SOX5: variants seen among roughly 807,000 people sequenced by gnomAD.
SOX5 encodes the protein SRY-box transcription factor 5, also known as transcription factor SOX-5.
Under a neutral mutation model 92.0 loss-of-function variants are expected in SOX5, and 9 were observed. The ratio of observed to expected loss-of-function variants is 0.10; its 90% CI spans 0.06 to 0.17. The LOEUF (loss-of-function observed/expected upper bound fraction) is 0.17. Ranked by LOEUF, SOX5 falls within the 10% of genes least tolerant of loss-of-function variation. The pLI is 1.00. For synonymous variants in SOX5, 344 were observed against 336.3 expected (o/e 1.02, Z -0.25); for missense variants, 642 against 944.5 (o/e 0.68, Z 4.20).
intron 3 of SOX5, among the ~76,000 whole-genome samples, chr12:23,770,760 A>G (rs935270731): frequency 6.6e-6 from 1 of 152,196 alleles, no homozygotes; most frequent in African/African-American, 2.4e-5. Flanking sequence ...GCACTGTAAG[A>G]AGACTGGGCA....
At chr12:24,333,317 T>A (rs979864614) in intron 2 of SOX5, among the ~76,000 whole-genome samples, 10 of 152,002 alleles carry the variant, frequency 6.6e-5, no homozygotes, top group African/African-American at 2.4e-4. Context: ...ATAAAAATGT[T>A]TGGAAGCTCA....
At chr12:23,934,669 T>C (rs1408257108) in intron 1 of SOX5, among the ~76,000 whole-genome samples, 2 of 151,342 alleles carry the variant, frequency 1.3e-5, no homozygotes, top group Non-Finnish European at 1.5e-5. Flanking sequence ...TTACCTACCA[T>C]ATTATATGGA....
chr12:23,715,167 C>A (rs761543559), intron 6 of SOX5, among the ~76,000 whole-genome samples: 5 of 151,888 alleles, frequency 3.3e-5, no homozygotes, highest in Non-Finnish European at 7.4e-5. Flanking sequence ...GGTGCGATGG[C>A]GGGCGCCTGT....
At chr12:24,339,246 T>C (rs898561883) in intron 2 of SOX5, among the ~76,000 whole-genome samples, 5 of 150,014 alleles carry the variant, frequency 3.3e-5, no homozygotes, top group Non-Finnish European at 7.4e-5. Context: ...AGTAGACATA[T>C]GGAGTATGTG....
intron 2 of SOX5, among the ~76,000 whole-genome samples, chr12:23,893,185 C>T (rs561291084): frequency 5.9e-5 from 9 of 152,282 alleles, no homozygotes; most frequent in Non-Finnish European, 8.8e-5. Flanking sequence ...TGGTGGCTCA[C>T]GCCTGTAATC....
chr12:24,478,574 C>G (rs1273158501), intron 1 of SOX5, among the ~76,000 whole-genome samples: 6 of 152,188 alleles, frequency 3.9e-5, no homozygotes, highest in Non-Finnish European at 1.5e-5. Flanking sequence ...ATTACTGTTC[C>G]TGTTTCACCT....
In SOX5 at chr12:24,213,674, C is replaced by G. The variant is rs142984735; in HGVS notation, c.-76-257G>C. Among the ~76,000 whole-genome samples, 1,475 of 150,968 alleles carry G rather than the reference C, an allele frequency of 9.8e-3. 11 individuals are homozygous for G. The highest frequency in any genetic ancestry group is 0.015 in the Non-Finnish European group (1,006 of 67,808). ...CTCATACGACTGTGCTAGTTAGTGGCTAATGAATGAAAAATCAATGAAAAA... is the reference window on the plus strand; with the variant it reads ...CTCATACGACTGTGCTAGTTAGTGGGTAATGAATGAAAAATCAATGAAAAA... On this transcript the variant is annotated intron_variant, in intron 3 of 4. Coordinates refer to the SOX5 transcript ENST00000446891.
intron 1 of SOX5, among the ~76,000 whole-genome samples, chr12:23,918,320 C>A (rs1162685215): frequency 6.6e-6 from 1 of 152,038 alleles, no homozygotes; most frequent in Admixed American, 6.6e-5. Flanking sequence ...AGTTCTAATT[C>A]GGGGTAACAA....
chr12:24,156,685 A>C (rs1952206782), intron 4 of SOX5, among the ~76,000 whole-genome samples: 1 of 152,176 alleles, frequency 6.6e-6, no homozygotes, highest in African/African-American at 2.4e-5. Context: ...ATAAATATAC[A>C]TCTTATTTTC....
chr12:24,039,117 C>T (rs1367374236), intron 4 of SOX5, among the ~76,000 whole-genome samples: 1 of 152,044 alleles, frequency 6.6e-6, no homozygotes, highest in Admixed American at 6.6e-5. Flanking sequence ...AATAGCATTT[C>T]TAATGGTAAA....
chr12:24,032,121 G>T (rs35939918), intron 4 of SOX5, among the ~76,000 whole-genome samples: 1 of 151,792 alleles, frequency 6.6e-6, no homozygotes, highest in Non-Finnish European at 1.5e-5. Flanking sequence ...ACTGGATTTG[G>T]TAACTGGTAA....
intron 3 of SOX5, chr12:24,227,765 G>A (rs1962404434): frequency 6.6e-6 from 1 of 152,174 alleles, no homozygotes; most frequent in South Asian, 2.1e-4. Flanking sequence ...AAGGGCAGAT[G>A]ATTCAGCACG....
At chr12:23,788,808 A>G (rs1423133270) in intron 3 of SOX5, among the ~76,000 whole-genome samples, 21 of 152,012 alleles carry the variant, frequency 1.4e-4, no homozygotes, top group Admixed American at 1.4e-3. Flanking sequence ...TATATCAATT[A>G]AGCACATACC....
At chr12:23,583,707 T>C (rs1026285081) in intron 9 of SOX5, among the ~76,000 whole-genome samples, 3 of 152,184 alleles carry the variant, frequency 2.0e-5, no homozygotes, top group Non-Finnish European at 4.4e-5. Context: ...TTCCTCTTTT[T>C]AACCTCTAAA....
chr12:24,560,170 G>T (rs923003752), intron 1 of SOX5, among the ~76,000 whole-genome samples: 1 of 152,088 alleles, frequency 6.6e-6, no homozygotes, highest in African/African-American at 2.4e-5. Context: ...GAGATCACTG[G>T]AAAGAAAAGG....
chr12:24,453,597 G>T (rs1402193932), intron 1 of SOX5, among the ~76,000 whole-genome samples: 3 of 152,146 alleles, frequency 2.0e-5, no homozygotes, highest in East Asian at 1.9e-4. Context: ...GACATTCATG[G>T]TTAGTAATTT....
At chr12:23,912,736 C>T (rs1182972902) in intron 1 of SOX5, among the ~76,000 whole-genome samples, 1 of 151,780 alleles carries the variant, frequency 6.6e-6, no homozygotes. Flanking sequence ...AAGCCATTCA[C>T]AAAGGTCTAC....
At chr12:23,589,100 T>C (rs1230184387) in intron 9 of SOX5, among the ~76,000 whole-genome samples, 1 of 151,964 alleles carries the variant, frequency 6.6e-6, no homozygotes, top group African/African-American at 2.4e-5. Flanking sequence ...GATGTGTGAC[T>C]ATGCATACAT....
intron 3 of SOX5, among the ~76,000 whole-genome samples, chr12:24,253,379 G>A (rs546765672): frequency 6.6e-6 from 1 of 151,240 alleles, no homozygotes; most frequent in African/African-American, 2.4e-5. Context: ...TACAACATAG[G>A]ATCTTATCTA....
Sources: allele counts gnomAD v4.1 joint callset (sites outside exome capture counted in the v4.1 genomes callset), GRCh38; gene constraint gnomAD v4.1.1; transcripts MANE v1.5; gene names NCBI Gene and HGNC (gene_info 2026-07-23, HGNC 2026-07-21).